Variants in PNLIPRP3 observed in about 807,000 individuals in gnomAD.
PNLIPRP3 encodes the protein pancreatic lipase related protein 3, also known as pancreatic lipase-related protein 3.
In PNLIPRP3, 58 loss-of-function variants were observed where a neutral mutation model predicts 52.8. The observed-to-expected ratio is 1.10, with a 90% CI of 0.89 to 1.37. PNLIPRP3 has a LOEUF of 1.37. Ranked by LOEUF, PNLIPRP3 falls within the 40% of genes most tolerant of loss-of-function variation. The pLI, the probability that PNLIPRP3 is intolerant of heterozygous loss-of-function variation, is 0.00. For synonymous variants in PNLIPRP3, 192 were observed against 185.0 expected, an observed-to-expected ratio of 1.04 and a Z score of -0.31; for missense variants, 593 against 561.6, an observed-to-expected ratio of 1.06 and a Z score of -0.57.
At position 116,461,244 on chromosome 10, in the gene PNLIPRP3, C is replaced by T; in HGVS notation, c.762C>T (p.Asp254=). The T allele has an allele frequency of 6.2e-7, 1 of 1,613,406 alleles. No individual in the cohort carries two copies. The highest frequency in any genetic ancestry group is 1.6e-4 in the Middle Eastern group (1 of 6,062). Reference sequence around the variant, plus strand: ...GGAAGCACATGCCAGGATGTGAAGACTTAATTACACCTTTACTGAAATTTA... The same window carrying T: ...GGAAGCACATGCCAGGATGTGAAGATTTAATTACACCTTTACTGAAATTTA... ...NGGKHMPGCE[D]LITPLLKFNF... Residue 254 remains aspartate (D), a synonymous_variant, in exon 7 of 12, where the codon GAC becomes GAT. Coordinates refer to ENST00000369230, the MANE Select transcript of PNLIPRP3 (RefSeq NM_001011709.3).
At chr10:116,434,977 A>G (rs1388488655) in intron 1 of PNLIPRP3, among the ~76,000 whole-genome samples, 3 of 152,190 alleles carry the variant, frequency 2.0e-5, no homozygotes, top group African/African-American at 4.8e-5. Context: ...TGATCCAAAT[A>G]TGGAGTAACC....
At chr10:116,463,210 C>G (rs1163260443) in intron 7 of PNLIPRP3, among the ~76,000 whole-genome samples, 1 of 3,124 alleles carries the variant, frequency 3.2e-4, no homozygotes, top group African/African-American at 3.5e-4. Flanking sequence ...TGAACAATTA[C>G]AAGAAAAATT....
At chr10:116,437,823 T>A (rs978434433) in intron 2 of PNLIPRP3, among the ~76,000 whole-genome samples, 1 of 152,162 alleles carries the variant, frequency 6.6e-6, no homozygotes, top group Non-Finnish European at 1.5e-5. Context: ...ACCAGCCACA[T>A]TTCAAGTGCT....
intron 10 of PNLIPRP3, among the ~76,000 whole-genome samples, chr10:116,472,870 G>C (rs1846397073): frequency 6.6e-6 from 1 of 152,210 alleles, no homozygotes; most frequent in African/African-American, 2.4e-5. Context: ...CACCCATGCT[G>C]TTTCTTTGCT....
chr10:116,439,634 T>C (rs1333527486), intron 2 of PNLIPRP3: 3 of 763,488 alleles, frequency 3.9e-6, no homozygotes, highest in Non-Finnish European at 7.2e-6. Flanking sequence ...AAGGCTGCTT[T>C]TTCGCTGCCA....
intron 5 of PNLIPRP3, among the ~76,000 whole-genome samples, chr10:116,460,102 C>T (rs144636503): frequency 1.8e-4 from 28 of 152,254 alleles, no homozygotes; most frequent in East Asian, 1.4e-3. Flanking sequence ...GTCCTAGTTC[C>T]GCAAGACTGG....
chr10:116,476,811 T>G lies in PNLIPRP3; in HGVS notation c.1332T>G (p.Tyr444Ter). ...AEMVINTSGK[Y>*]GYKSTFCSQD... is the part of the protein sequence containing the mutation. Reference sequence around the variant, plus strand: ...TGGTGATAAATACATCTGGGAAATATGGATATAAGTAAGTATTGCTTTTTC... The same window carrying G: ...TGGTGATAAATACATCTGGGAAATAGGGATATAAGTAAGTATTGCTTTTTC... The change falls in exon 11 of 12, where the codon TAT (tyrosine) becomes TAG (stop). Residue 444 changes from tyrosine to a stop codon, truncating the protein, a stop_gained. Transcript: ENST00000369230. LOFTEE classifies it low-confidence loss of function (END_TRUNC). 2 of 1,592,724 alleles carry G rather than the reference T, an allele frequency of 1.3e-6. No individual in the cohort carries two copies. Among genetic ancestry groups the G allele is most frequent in the Non-Finnish European group, 1.7e-6 (2 of 1,171,858 alleles).
At chr10:116,442,037 G>C (rs1208733693) in intron 2 of PNLIPRP3, among the ~76,000 whole-genome samples, 2 of 152,110 alleles carry the variant, frequency 1.3e-5, no homozygotes, top group Non-Finnish European at 2.9e-5. Flanking sequence ...GCCAGAAATA[G>C]GCTCTTTGTT....
At chr10:116,459,153 T>C (rs1846155766) in intron 5 of PNLIPRP3, among the ~76,000 whole-genome samples, 2 of 152,086 alleles carry the variant, frequency 1.3e-5, no homozygotes, top group South Asian at 4.2e-4. Context: ...TCCAGGCTAC[T>C]TCATGAATTT....
chr10:116,440,336 G>A (rs761179521), intron 2 of PNLIPRP3, among the ~76,000 whole-genome samples: 3 of 152,116 alleles, frequency 2.0e-5, no homozygotes, highest in Non-Finnish European at 2.9e-5. Flanking sequence ...TGCCAATGAA[G>A]AGAAAATTGG....
intron 2 of PNLIPRP3, among the ~76,000 whole-genome samples, chr10:116,441,284 T>C (rs1280843387): frequency 1.3e-5 from 2 of 152,176 alleles, no homozygotes; most frequent in African/African-American, 4.8e-5. Flanking sequence ...CAGGGAGACA[T>C]GTGCAATGTA....
chr10:116,432,401 C>A (rs1052992182), intron 1 of PNLIPRP3, among the ~76,000 whole-genome samples: 2 of 151,996 alleles, frequency 1.3e-5, no homozygotes, highest in African/African-American at 4.8e-5. Flanking sequence ...TTAAAGAATT[C>A]TTAGGCCAAA....
intron 4 of PNLIPRP3, among the ~76,000 whole-genome samples, chr10:116,449,446 T>C (rs1846004369): frequency 6.6e-6 from 1 of 152,154 alleles, no homozygotes; most frequent in South Asian, 2.1e-4. Flanking sequence ...TGAATGTACT[T>C]GTATCTGACA....
At chr10:116,462,712 T>C (rs995052614) in intron 7 of PNLIPRP3, among the ~76,000 whole-genome samples, 13 of 152,322 alleles carry the variant, frequency 8.5e-5, no homozygotes, top group African/African-American at 2.6e-4. Flanking sequence ...TTATTTTCTA[T>C]ATTACGACTA....
Position 116,469,204 on chromosome 10 carries a change from CCAAAG to C in PNLIPRP3, c.948_952del (p.Lys317ArgfsTer10), listed in dbSNP as rs1846327485. ...CATCAGGGAAATTGCTTCTTTTGTT[CCAAAG>C]AAGGTTGCCCAACAATGGGTCATTT... On this transcript the variant is annotated frameshift_variant, in exon 9 of 12. Coordinates refer to ENST00000369230, the MANE Select transcript of PNLIPRP3 (RefSeq NM_001011709.3). LOFTEE classifies it high-confidence loss of function. 1.2e-5 allele frequency: 19 copies of C among 1,610,776 alleles called. No individual in the cohort carries two copies. In the South Asian group the frequency reaches 1.9e-4, roughly 16 times the overall value.
intron 2 of PNLIPRP3, chr10:116,439,662 C>G (rs1238369165): frequency 1.3e-6 from 1 of 764,636 alleles, no homozygotes; most frequent in South Asian, 1.3e-5. Context: ...TATTCCACAT[C>G]TCACCCAGCT....
intron 4 of PNLIPRP3, among the ~76,000 whole-genome samples, 153 bp downstream of exon 4, chr10:116,444,666 A>G (rs1211414564): frequency 6.6e-6 from 1 of 152,198 alleles, no homozygotes; most frequent in East Asian, 1.9e-4. Context: ...CAAAAAAGGA[A>G]AAGTTTCTTC....
chr10:116,429,952 T>C (rs776272774), intron 1 of PNLIPRP3, among the ~76,000 whole-genome samples: 8 of 152,088 alleles, frequency 5.3e-5, no homozygotes, highest in African/African-American at 1.4e-4. Context: ...ATCCTAGAAG[T>C]CAATTTAAGA....
At chr10:116,446,068 C>T (rs756059077) in intron 4 of PNLIPRP3, among the ~76,000 whole-genome samples, 1 of 152,072 alleles carries the variant, frequency 6.6e-6, no homozygotes, top group South Asian at 2.1e-4. Flanking sequence ...AACAGTCGGC[C>T]GGGAGTGGTG....
Sources: allele counts gnomAD v4.1 joint callset (sites outside exome capture counted in the v4.1 genomes callset), GRCh38; gene constraint gnomAD v4.1.1; transcripts MANE v1.5; gene names NCBI Gene and HGNC (gene_info 2026-07-23, HGNC 2026-07-21).